Variants in DNAI2 observed in about 807,000 individuals in gnomAD.
DNAI2 encodes dynein axonemal intermediate chain 2.
DNAI2 carries 63 observed loss-of-function variants against 74.7 expected under a neutral mutation model. The ratio of observed to expected loss-of-function variants is 0.84; its 90% CI spans 0.69 to 1.04. DNAI2 has a LOEUF of 1.04. Among genes scored for constraint, DNAI2 ranks in the 50% least tolerant of loss-of-function variants. The pLI, the probability that DNAI2 is intolerant of heterozygous loss-of-function variation, is 0.00. For synonymous variants in DNAI2, 289 were observed against 314.9 expected (o/e 0.92, Z 0.87); for missense variants, 688 against 803.2 (o/e 0.86, Z 1.73).
chr17:74,303,856 T>C (rs2053007768), intron 8 of DNAI2, among the ~76,000 whole-genome samples: 1 of 152,158 alleles, frequency 6.6e-6, no homozygotes, highest in African/African-American at 2.4e-5. Flanking sequence ...CCAGGTGCAG[T>C]GGCTCAGGTC....
At chr17:74,287,223 A>G (rs531846824) in intron 4 of DNAI2, 125 bp downstream of exon 4, 2 of 1,458,356 alleles carry the variant, frequency 1.4e-6, no homozygotes, top group African/African-American at 1.4e-5. Context: ...TCTGAGCTTG[A>G]TAAGTGACGT....
At position 74,281,773 on chromosome 17, in the gene DNAI2, G is replaced by T. The variant is rs761003028; in HGVS notation, c.-11-34G>T. 6.2e-6 allele frequency: 10 copies of T among 1,607,212 alleles called. No individual in the cohort carries two copies. The African/African-American group carries it at 1.1e-4, about 17-fold the overall frequency. ...TGGAGATAGGGAAGGGGCCGGTGGGGTCCCTCACCCCACACCCTCCCTCTG... is the reference window on the plus strand; with the variant it reads ...TGGAGATAGGGAAGGGGCCGGTGGGTTCCCTCACCCCACACCCTCCCTCTG... On this transcript the variant is annotated intron_variant, in intron 1 of 13. Transcript: ENST00000311014.
chr17:74,309,175 C>G, intron 9 of DNAI2, 78 bp from the exon 10 acceptor site: 1 of 1,535,888 alleles, frequency 6.5e-7, no homozygotes, highest in Non-Finnish European at 9.0e-7. Flanking sequence ...ATCCTGGAGC[C>G]CAGAAGGGAC....
intron 9 of DNAI2, among the ~76,000 whole-genome samples, chr17:74,306,873 C>T (rs1189885421): frequency 6.6e-6 from 1 of 152,262 alleles, no homozygotes; most frequent in African/African-American, 2.4e-5. Flanking sequence ...CTGCCTCAGC[C>T]TCCCGAAGGG....
intron 2 of DNAI2, among the ~76,000 whole-genome samples, chr17:74,284,054 C>T (rs1285975301): frequency 2.0e-5 from 3 of 150,796 alleles, no homozygotes; most frequent in African/African-American, 7.3e-5. Flanking sequence ...AGGAGACTCA[C>T]TTGAATCCAG....
At position 74,314,101 on chromosome 17, in the gene DNAI2, T is replaced by C; in HGVS notation, c.1723-20T>C. ...TGTCCCCTACCAACACCAACACTTC[T>C]GTGCTGTCTTCCCCTGCAGCAGCAA... On this transcript the variant is annotated intron_variant, in intron 12 of 13. Transcript: ENST00000311014. 6.2e-7 allele frequency: 1 copy of C among 1,613,632 alleles called. No individual in the cohort carries two copies. The highest frequency in any genetic ancestry group is 8.5e-7 in the Non-Finnish European group (1 of 1,179,696).
chr17:74,292,164 C>T (rs952305988), intron 6 of DNAI2, among the ~76,000 whole-genome samples: 5 of 152,156 alleles, frequency 3.3e-5, no homozygotes, highest in Admixed American at 6.5e-5. Context: ...CATGCCTGGC[C>T]GCTATTAATT....
At chr17:74,280,884 C>T (rs2051349518) in intron 1 of DNAI2, among the ~76,000 whole-genome samples, 1 of 151,848 alleles carries the variant, frequency 6.6e-6, no homozygotes, top group Non-Finnish European at 1.5e-5. Flanking sequence ...CCCAGAAGTT[C>T]AAGACCAGCC....
At chr17:74,302,382 A>G (rs979605718) in intron 8 of DNAI2, among the ~76,000 whole-genome samples, 1 of 152,202 alleles carries the variant, frequency 6.6e-6, no homozygotes, top group Non-Finnish European at 1.5e-5. Context: ...AGCCTGACCA[A>G]TATGGAGAAA....
At chr17:74,276,938 A>G (rs1176081286) in intron 1 of DNAI2, among the ~76,000 whole-genome samples, 4 of 152,182 alleles carry the variant, frequency 2.6e-5, no homozygotes, top group Non-Finnish European at 5.9e-5. Flanking sequence ...GGAGGATGCC[A>G]CGGGATTTGC....
In DNAI2 at chr17:74,281,862, G is replaced by A. The variant is rs751121542; in HGVS notation, c.45G>A (p.Gly15=). 16 of 1,614,042 alleles carry A rather than the reference G, an allele frequency of 9.9e-6. No homozygotes were observed. The South Asian group carries it at 1.1e-4, about 11-fold the overall frequency. ...YVYVKKRSEF[G]KQCNFSDRQA... ...ACGTCAAGAAGCGCAGCGAGTTCGG[G>A]AAGCAGTGCAATTTCTCGGACCGCC... Residue 15 remains glycine (G), a synonymous_variant, in exon 2 of 14, where the codon GGG becomes GGA. Coordinates refer to ENST00000311014, the MANE Select transcript of DNAI2 (RefSeq NM_023036.6).
In DNAI2 at chr17:74,292,986, C is replaced by T. The variant is rs964083935; in HGVS notation, c.724+1853C>T. On this transcript the variant is annotated intron_variant, in intron 6 of 13. Coordinates refer to ENST00000311014, the MANE Select transcript of DNAI2 (RefSeq NM_023036.6). ...CTGGGACTACAGGTGCCTGCCACCA[C>T]GCTGGGCTAATTTTTTGTATTTTTT... Among the ~76,000 whole-genome samples, 7 of 152,150 alleles carry T rather than the reference C, an allele frequency of 4.6e-5. No homozygotes were observed. In the East Asian group the frequency reaches 7.8e-4, roughly 17 times the overall value.
At chr17:74,296,316 A>T (rs2052421492) in intron 6 of DNAI2, among the ~76,000 whole-genome samples, 2 of 97,668 alleles carry the variant, frequency 2.0e-5, no homozygotes, top group African/African-American at 6.4e-5. Flanking sequence ...CTTTAAAGAG[A>T]GAGAGAGAGA....
chr17:74,313,971 C>T (rs1427422669), intron 12 of DNAI2, 150 bp from the exon 13 acceptor site: 42 of 1,289,746 alleles, frequency 3.3e-5, no homozygotes, highest in South Asian at 1.9e-4. Flanking sequence ...CCTCACCAGC[C>T]GCAGAGCTGG....
chr17:74,284,361 A>G (rs2051573382), intron 2 of DNAI2, among the ~76,000 whole-genome samples: 1 of 152,184 alleles, frequency 6.6e-6, no homozygotes, highest in South Asian at 2.1e-4. Flanking sequence ...TGTCAGTGAT[A>G]GGGTGGCATT....
At chr17:74,289,989 C>T (rs2051989499) in intron 5 of DNAI2, among the ~76,000 whole-genome samples, 1 of 152,138 alleles carries the variant, frequency 6.6e-6, no homozygotes. Flanking sequence ...GCATGAAGAC[C>T]TGACCCCATG....
intron 6 of DNAI2, among the ~76,000 whole-genome samples, chr17:74,291,847 T>C (rs972229823): frequency 6.6e-6 from 1 of 151,060 alleles, no homozygotes; most frequent in Non-Finnish European, 1.5e-5. Flanking sequence ...CTTCTGGAAG[T>C]TTGTGAAGAA....
At chr17:74,303,463 C>T (rs894148700) in intron 8 of DNAI2, among the ~76,000 whole-genome samples, 14 of 152,312 alleles carry the variant, frequency 9.2e-5, no homozygotes, top group South Asian at 6.2e-4. Context: ...TTTGTTGAGA[C>T]ATCGTTTTGC....
intron 1 of DNAI2, among the ~76,000 whole-genome samples, chr17:74,278,829 A>T (rs1049706964): frequency 2.0e-5 from 3 of 152,218 alleles, no homozygotes; most frequent in African/African-American, 7.2e-5. Flanking sequence ...ATTTGATAGG[A>T]CAACAAGGTG....
Sources: gnomAD v4.1 joint callset for allele counts (sites outside exome capture counted in the v4.1 genomes callset) on GRCh38, gnomAD v4.1.1 for gene constraint, MANE v1.5 for transcripts, NCBI Gene and HGNC (gene_info 2026-07-23, HGNC 2026-07-21) for gene names.